The following LANCL3 variants were observed in gnomAD, a reference collection of about 807,000 sequenced individuals.
LANCL3 encodes the protein LanC like family member 3.
LANCL3 carries 19 observed loss-of-function variants against 26.5 expected under a neutral mutation model. The ratio of observed to expected loss-of-function variants is 0.72; its 90% CI spans 0.50 to 1.05. The LOEUF is 1.05. Ranked by LOEUF, LANCL3 falls within the 50% of genes least tolerant of loss-of-function variation. The pLI, the probability that LANCL3 is intolerant of heterozygous loss-of-function variation, is 0.00. For synonymous variants in LANCL3, 160 were observed against 166.6 expected, an observed-to-expected ratio of 0.96 and a Z score of 0.30; for missense variants, 318 against 362.7, an observed-to-expected ratio of 0.88 and a Z score of 1.00.
intron 1 of LANCL3, among the ~76,000 whole-genome samples, chrX:37,621,755 A>ATCACCATAT (rs1276570563): frequency 3.6e-5 from 4 of 111,951 alleles, no homozygotes; most frequent in African/African-American, 9.7e-5. Flanking sequence ...ACCTTAGTTA[A>ATCACCATAT]TCACCATATT....
At chrX:37,588,142 A>AT (rs1296222879) in intron 1 of LANCL3, among the ~76,000 whole-genome samples, 2 of 112,361 alleles carry the variant, frequency 1.8e-5, no homozygotes, top group African/African-American at 6.5e-5. Context: ...ATGATAGATT[A>AT]TATTAATTTC....
chrX:37,635,041 C>T lies in LANCL3; in HGVS notation c.574-20647C>T, dbSNP rs376050511. Among the ~76,000 whole-genome samples, 295 of 109,497 alleles carry T rather than the reference C, an allele frequency of 2.7e-3. 1 individual carries two copies. The highest frequency in any genetic ancestry group is 9.4e-3 in the African/African-American group (284 of 30,053). On this transcript the variant is annotated intron_variant, in intron 1 of 4. Coordinates refer to ENST00000378619, the MANE Select transcript of LANCL3 (RefSeq NM_001170331.2). ...CCTCACAGAATTAAAAAAAAAAGAG[C>T]GACATAAGACTCAGGGCAGCATGGA... is the stretch of plus-strand genomic sequence containing the variant.
Position 37,645,199 on chromosome X carries a change from G to A in LANCL3, c.574-10489G>A, listed in dbSNP as rs782347476. On this transcript the variant is annotated intron_variant, in intron 1 of 4. Transcript: ENST00000378619. ...CTGTTTTTCTTTTCTGGTTTCTAGT[G>A]TTTTCTGGGTTTATGTTTCTTCACA... Among the ~76,000 whole-genome samples the A allele has an allele frequency of 2.7e-5, 3 of 112,186 alleles. No individual in the cohort carries two copies. The South Asian group carries it at 1.1e-3, about 42-fold the overall frequency.
At chrX:37,590,663 G>A (rs1556418800) in intron 1 of LANCL3, among the ~76,000 whole-genome samples, 1 of 112,047 alleles carries the variant, frequency 8.9e-6, no homozygotes, top group Non-Finnish European at 1.9e-5. Flanking sequence ...GGGGCTGGGG[G>A]TGTCATGTGT....
intron 1 of LANCL3, among the ~76,000 whole-genome samples, chrX:37,594,695 G>GT (rs1295018223): frequency 8.9e-6 from 1 of 112,060 alleles, no homozygotes; most frequent in Non-Finnish European, 1.9e-5. Context: ...AATGGCAATT[G>GT]TTTTTGTTTG....
At chrX:37,622,378 A>T (rs1451383932) in intron 1 of LANCL3, among the ~76,000 whole-genome samples, 1 of 100,494 alleles carries the variant, frequency 1.0e-5, no homozygotes, top group African/African-American at 4.1e-5. Context: ...AAAAAGAGGG[A>T]CTTACTATCA....
At chrX:37,639,609 C>G (rs1925811178) in intron 1 of LANCL3, among the ~76,000 whole-genome samples, 1 of 111,216 alleles carries the variant, frequency 9.0e-6, no homozygotes, top group African/African-American at 3.3e-5. Context: ...AAATATCCAG[C>G]TATGCTACAT....
intron 4 of LANCL3, among the ~76,000 whole-genome samples, chrX:37,675,170 GCA>G (rs1926764035): frequency 8.9e-6 from 1 of 111,745 alleles, no homozygotes; most frequent in Admixed American, 9.5e-5. Flanking sequence ...TTTGCTCACA[GCA>G]CAGATTGTAT....
At chrX:37,581,800 A>T (rs1923901910) in intron 1 of LANCL3, among the ~76,000 whole-genome samples, 1 of 111,872 alleles carries the variant, frequency 8.9e-6, no homozygotes, top group African/African-American at 3.2e-5. Flanking sequence ...TTTTTATTAT[A>T]CTTTAAGTTC....
chrX:37,603,919 G>A (rs984618191), intron 1 of LANCL3, among the ~76,000 whole-genome samples: 4 of 112,327 alleles, frequency 3.6e-5, no homozygotes, highest in Admixed American at 2.8e-4. Context: ...ATTGGGAGAC[G>A]AAAATATTAT....
intron 1 of LANCL3, among the ~76,000 whole-genome samples, chrX:37,633,929 C>G (rs919111058): frequency 2.6e-4 from 29 of 112,290 alleles, no homozygotes; most frequent in African/African-American, 8.4e-4. Flanking sequence ...AGATCTCCAG[C>G]TGTGTGCTGG....
intron 1 of LANCL3, among the ~76,000 whole-genome samples, chrX:37,603,124 T>A (rs1220776668): frequency 8.9e-6 from 1 of 112,436 alleles, no homozygotes; most frequent in African/African-American, 3.2e-5. Flanking sequence ...TTTCGATAGA[T>A]CTTGAATCAA....
intron 1 of LANCL3, among the ~76,000 whole-genome samples, chrX:37,588,642 A>G (rs1447369308): frequency 8.9e-6 from 1 of 111,928 alleles, no homozygotes; most frequent in African/African-American, 3.3e-5. Context: ...CAAGCTGAAT[A>G]AAGGAGTGTT....
At chrX:37,592,080 G>A (rs1202785410) in intron 1 of LANCL3, among the ~76,000 whole-genome samples, 4 of 111,608 alleles carry the variant, frequency 3.6e-5, no homozygotes, top group African/African-American at 1.3e-4. Context: ...AAGTTTACAT[G>A]CTGAATTGTG....
chrX:37,617,571 G>T (rs1925043140), intron 1 of LANCL3, among the ~76,000 whole-genome samples: 1 of 111,876 alleles, frequency 8.9e-6, no homozygotes, highest in African/African-American at 3.3e-5. Flanking sequence ...CACTATGTCT[G>T]ATTTACTAGA....
At chrX:37,655,971 C>G (rs1192572566) in intron 2 of LANCL3, among the ~76,000 whole-genome samples, 160 bp downstream of exon 2, 1 of 112,023 alleles carries the variant, frequency 8.9e-6, no homozygotes, top group East Asian at 2.8e-4. Context: ...ATACATAACA[C>G]AAATCACAAG....
At chrX:37,668,450 G>T in intron 4 of LANCL3, 1 of 383,992 alleles carries the variant, frequency 2.6e-6, no homozygotes, top group Middle Eastern at 4.0e-4. Flanking sequence ...ACCTCTGACT[G>T]GTAAGCTGGG....
intron 1 of LANCL3, among the ~76,000 whole-genome samples, chrX:37,642,150 T>TGCATTTAA (rs1180447041): frequency 8.9e-6 from 1 of 112,251 alleles, no homozygotes; most frequent in Non-Finnish European, 1.9e-5. Context: ...AACTGGAAAC[T>TGCATTTAA]GCATTTAAAT....
chrX:37,620,581 TG>T (rs1241593388), intron 1 of LANCL3, among the ~76,000 whole-genome samples: 1 of 111,788 alleles, frequency 8.9e-6, no homozygotes, highest in Non-Finnish European at 1.9e-5. Flanking sequence ...ACCTTGGATT[TG>T]GGGCACTACT....
Sources: gnomAD v4.1 joint callset for allele counts (sites outside exome capture counted in the v4.1 genomes callset) on GRCh38, gnomAD v4.1.1 for gene constraint, MANE v1.5 for transcripts, NCBI Gene and HGNC (gene_info 2026-07-23, HGNC 2026-07-21) for gene names.